Variants in KANK1 observed in about 807,000 individuals in gnomAD.
The protein encoded by KANK1 is KN motif and ankyrin repeat domains 1, also known as KN motif and ankyrin repeat domain-containing protein 1.
A neutral mutation model predicts 106.2 loss-of-function variants in KANK1; 109 were observed. That is an observed-to-expected ratio of 1.03 (90% CI 0.88 to 1.20). The LOEUF (loss-of-function observed/expected upper bound fraction) is 1.20, where lower values mean the gene tolerates loss of function less well. KANK1 is among the 50% of genes most tolerant of loss of function. The pLI, the probability that KANK1 is intolerant of heterozygous loss-of-function variation, is 0.00. For synonymous variants in KANK1, 873 were observed against 652.2 expected (o/e 1.34, Z -5.16); for missense variants, 2,399 against 1,710.7 (o/e 1.40, Z -7.10).
chr9:742,158 G>A (rs1353016699), intron 9 of KANK1, 47 bp from the exon 10 acceptor site: 4 of 1,548,702 alleles, frequency 2.6e-6, no homozygotes, highest in Non-Finnish European at 3.6e-6. Flanking sequence ...GGCCACCACT[G>A]CCAGCTCAGT....
intron 1 of KANK1, among the ~76,000 whole-genome samples, chr9:593,445 A>G (rs1825471901): frequency 1.7e-5 from 2 of 115,070 alleles, no homozygotes. Flanking sequence ...TTAGATCTTT[A>G]TACATTCCCC....
chr9:632,357 A>T (rs1484317038), intron 1 of KANK1, among the ~76,000 whole-genome samples: 1 of 152,178 alleles, frequency 6.6e-6, no homozygotes, highest in Non-Finnish European at 1.5e-5. Flanking sequence ...CTAAGAGAAG[A>T]GGTTAAAGGA....
Position 712,462 on chromosome 9 carries a change from A to G in KANK1, c.1696A>G (p.Met566Val), listed in dbSNP as rs757635812. 9 of 1,614,016 alleles carry G rather than the reference A, an allele frequency of 5.6e-6. No homozygotes were observed. The highest frequency in any genetic ancestry group is 2.2e-5 in the East Asian group (1 of 44,882). ...KNKVVGPELP[M>V]NWWIVKERVE... ...TAAAGTCGTAGGGCCTGAGCTGCCT[A>G]TGAATTGGTGGATTGTTAAGGAGAG... Residue 566 changes from methionine (M) to valine (V), a missense_variant, in exon 3 of 12, where the codon ATG becomes GTG. Met to Val is a conservative substitution (Grantham distance 21). Coordinates refer to ENST00000382297, the MANE Select transcript of KANK1 (RefSeq NM_015158.5).
At position 730,055 on chromosome 9, in the gene KANK1, T is replaced by G. The variant is rs552740544; in HGVS notation, c.2703T>G (p.Asn901Lys). ...QKTSLGKITG[N>K]YLGYTCKCGG... is the part of the protein sequence containing the mutation. ...TACCTTTCTTTTTCCTGATAGGCAATTATTTGGGATATACCTGTAAGTGTG... is the reference window on the plus strand; with the variant it reads ...TACCTTTCTTTTTCCTGATAGGCAAGTATTTGGGATATACCTGTAAGTGTG... The change falls in exon 4 of 12, where the codon AAT becomes AAG. Residue 901 changes from asparagine to lysine, a missense_variant. By Grantham distance (94) the Asn-to-Lys change is moderately conservative (BLOSUM62 0). Coordinates refer to ENST00000382297, the MANE Select transcript of KANK1 (RefSeq NM_015158.5). 19 of 1,613,926 alleles carry G rather than the reference T, an allele frequency of 1.2e-5. No individual in the cohort carries two copies. The Middle Eastern group carries it at 8.3e-4, about 70-fold the overall frequency.
intron 1 of KANK1, among the ~76,000 whole-genome samples, chr9:624,591 T>G (rs989028276): frequency 3.3e-5 from 5 of 151,878 alleles, no homozygotes; most frequent in African/African-American, 7.3e-5. Context: ...TCACTTGAGA[T>G]CAGGAGTTTG....
At chr9:698,677 G>T (rs1382867841) in intron 2 of KANK1, among the ~76,000 whole-genome samples, 1 of 152,106 alleles carries the variant, frequency 6.6e-6, no homozygotes, top group Non-Finnish European at 1.5e-5. Context: ...AGTTCTCATT[G>T]TGGAATACCA....
At chr9:668,863 G>C (rs894389802) in intron 1 of KANK1, among the ~76,000 whole-genome samples, 3 of 152,032 alleles carry the variant, frequency 2.0e-5, no homozygotes, top group African/African-American at 7.2e-5. Context: ...TCCTCATAAG[G>C]AACGCTCAAC....
chr9:576,475 C>G (rs542071720), intron 1 of KANK1, among the ~76,000 whole-genome samples: 1 of 152,330 alleles, frequency 6.6e-6, no homozygotes, highest in Admixed American at 6.5e-5. Flanking sequence ...GCATTTAGCC[C>G]TCATGCCAAT....
intron 1 of KANK1, among the ~76,000 whole-genome samples, chr9:656,629 C>G (rs895435712): frequency 6.6e-6 from 1 of 152,138 alleles, no homozygotes; most frequent in African/African-American, 2.4e-5. Context: ...TACTCCCTCC[C>G]GGTGCCTGAA....
At chr9:605,023 G>A (rs1393575951) in intron 1 of KANK1, among the ~76,000 whole-genome samples, 1 of 151,780 alleles carries the variant, frequency 6.6e-6, no homozygotes, top group East Asian at 1.9e-4. Flanking sequence ...GAAACCTCCT[G>A]CTGAGAGTGG....
intron 1 of KANK1, among the ~76,000 whole-genome samples, chr9:614,629 C>T (rs993272600): frequency 8.6e-5 from 13 of 151,990 alleles, no homozygotes; most frequent in Non-Finnish European, 1.0e-4. Context: ...CACTAAATGC[C>T]GGAAGTGCCC....
intron 2 of KANK1, among the ~76,000 whole-genome samples, chr9:705,373 C>G (rs1823799102): frequency 6.6e-6 from 1 of 152,248 alleles, no homozygotes; most frequent in East Asian, 1.9e-4. Context: ...GTAATCCCAG[C>G]TCCTCGGGAG....
Position 562,093 on chromosome 9 carries a change from C to G in KANK1, c.-84+57339C>G, listed in dbSNP as rs565526804. 7.7e-5 allele frequency among the ~76,000 whole-genome samples: 10 copies of G among 130,066 alleles called. No homozygotes were observed. In the East Asian group the frequency reaches 2.0e-3, roughly 26 times the overall value. 85.3% of individuals were successfully genotyped at this position (130,066 alleles called of 152,430 possible). On this transcript the variant is annotated intron_variant, in intron 1 of 11. Transcript: ENST00000382297. ...CGGAGTCTCGCTCTGTCGCCCAGGC[C>G]GGACTGCGGACTGCAGTGGCGCAAT...
rs750899243 is a variant in KANK1 at position 713,154 on chromosome 9, C to T, written c.2388C>T (p.Ser796=). The change falls in exon 3 of 12, where the codon AGC becomes AGT. Residue 796 remains serine, a synonymous_variant. Transcript: ENST00000382297. ...TGGGGCTGACAGCCAGCAGAAGGAG[C>T]GTGGGGGTTGGGGATGACCCTGTAG... ...LTVGLTASRR[S]VGVGDDPVGE... is the part of the protein sequence containing the mutation. The T allele has an allele frequency of 7.5e-6, 12 of 1,591,900 alleles. No homozygotes were observed. Among genetic ancestry groups the T allele is most frequent in the African/African-American group, 5.4e-5 (4 of 74,510 alleles).
chr9:534,017 G>T (rs1436979540), intron 1 of KANK1, among the ~76,000 whole-genome samples: 1 of 152,158 alleles, frequency 6.6e-6, no homozygotes, highest in African/African-American at 2.4e-5. Flanking sequence ...TTGTCATTCT[G>T]CATTTTTATT....
At chr9:474,876 ACTC>A (rs1564107309) in intron 3 of KANK1, among the ~76,000 whole-genome samples, 1 of 151,812 alleles carries the variant, frequency 6.6e-6, no homozygotes, top group South Asian at 2.1e-4. Context: ...TTTTCTCAGG[ACTC>A]CTCACACTGG....
intron 2 of KANK1, among the ~76,000 whole-genome samples, chr9:695,182 G>A (rs1441157534): frequency 1.3e-5 from 2 of 152,064 alleles, no homozygotes; most frequent in South Asian, 2.1e-4. Flanking sequence ...CATTCAGGAC[G>A]ACTACCCTGG....
At chr9:738,228 C>A in intron 7 of KANK1, 57 bp from the exon 8 acceptor site, 1 of 1,407,978 alleles carries the variant, frequency 7.1e-7, no homozygotes. Context: ...GTGCTTTCAA[C>A]TAGGTCTCAG....
intron 3 of KANK1, among the ~76,000 whole-genome samples, chr9:728,508 T>C (rs1312003945): frequency 4.6e-5 from 7 of 152,180 alleles, no homozygotes; most frequent in Admixed American, 1.3e-4. Flanking sequence ...CTCTTCGATG[T>C]ATATTGAAAT....
Sources: allele counts gnomAD v4.1 joint callset (sites outside exome capture counted in the v4.1 genomes callset), GRCh38; gene constraint gnomAD v4.1.1; transcripts MANE v1.5; gene names NCBI Gene and HGNC (gene_info 2026-07-23, HGNC 2026-07-21).